Variants in TEX29 observed in about 807,000 individuals in gnomAD.
TEX29 encodes testis-expressed protein 29.
TEX29 carries 26 observed loss-of-function variants against 18.2 expected under a neutral mutation model. The ratio of observed to expected loss-of-function variants is 1.43; its 90% CI spans 1.04 to 1.98. The LOEUF is 1.98. TEX29 is among the 30% of genes most tolerant of loss of function. The probability of loss-of-function intolerance (pLI) is 0.00; values close to 1 mark genes in which losing one functional copy is unlikely to be tolerated. For synonymous variants in TEX29, 83 were observed against 78.5 expected, an observed-to-expected ratio of 1.06 and a Z score of -0.31; for missense variants, 177 against 194.2, an observed-to-expected ratio of 0.91 and a Z score of 0.53.
intron 4 of TEX29, 149 bp downstream of exon 4, chr13:111,340,081 C>A: frequency 1.4e-6 from 1 of 695,344 alleles, no homozygotes; most frequent in East Asian, 2.5e-5. Flanking sequence ...AGGGAACTGG[C>A]CAGGCTCACG....
intron 4 of TEX29, 42 bp downstream of exon 4, chr13:111,339,974 G>GGGGGGCCCCGGGC: frequency 7.2e-7 from 1 of 1,379,844 alleles, no homozygotes; most frequent in Non-Finnish European, 1.0e-6. Flanking sequence ...GGGAGGAGGG[G>GGGGGGCCCCGGGC]ACTCACCTCT....
At position 111,328,227 on chromosome 13, in the gene TEX29, A is replaced by G. The variant is rs1329857095; in HGVS notation, c.103A>G (p.Arg35Gly). 1.2e-6 allele frequency: 2 copies of G among 1,614,046 alleles called. No homozygotes were observed. The highest frequency in any genetic ancestry group is 3.3e-5 in the Admixed American group (2 of 60,020). The stretch of plus-strand genomic sequence containing the variant: ...TGACATTTGTGACTACAACGTCTCC[A>G]GGGACCGATGCCAGGAGCTCGGGTG... ...LYDICDYNVS[R>G]DRCQELGCCF... is the part of the protein sequence containing the mutation. Residue 35 changes from arginine to glycine, a missense_variant, in exon 3 of 6, where the codon AGG becomes GGG. Coordinates refer to ENST00000283547, the MANE Select transcript of TEX29 (RefSeq NM_152324.3).
chr13:111,319,525 C>T (rs2093660299), upstream of TEX29, among the ~76,000 whole-genome samples: 2 of 152,196 alleles, frequency 1.3e-5, no homozygotes, highest in Admixed American at 1.3e-4. Flanking sequence ...CTCTGTCCAC[C>T]TGATGCCCAC....
intron 5 of TEX29, among the ~76,000 whole-genome samples, chr13:111,343,598 A>G (rs1157943112): frequency 6.6e-6 from 1 of 152,100 alleles, no homozygotes; most frequent in African/African-American, 2.4e-5. Context: ...CTTTTCCTAG[A>G]TCAGCACCTT....
chr13:111,329,659 G>T (rs766914170), intron 3 of TEX29, among the ~76,000 whole-genome samples: 4 of 152,098 alleles, frequency 2.6e-5, no homozygotes, highest in African/African-American at 4.8e-5. Flanking sequence ...TATTTCCAAA[G>T]CTAGCAGTGG....
At chr13:111,343,969 T>A in intron 5 of TEX29, 114 bp from the exon 6 acceptor site, 2 of 871,720 alleles carry the variant, frequency 2.3e-6, no homozygotes, top group Non-Finnish European at 3.8e-6. Flanking sequence ...GGCTTTTGAA[T>A]CAATCATTGC....
chr13:111,343,411 C>G (rs900406707), intron 5 of TEX29, among the ~76,000 whole-genome samples: 2 of 150,348 alleles, frequency 1.3e-5, no homozygotes, highest in Non-Finnish European at 3.0e-5. Context: ...GCCTGGTGGT[C>G]GTGGATGTGC....
chr13:111,333,457 T>C (rs2093685368), intron 3 of TEX29, among the ~76,000 whole-genome samples: 1 of 152,238 alleles, frequency 6.6e-6, no homozygotes, highest in South Asian at 2.1e-4. Context: ...TGACCTATCT[T>C]CAAGTTTACT....
intron 3 of TEX29, among the ~76,000 whole-genome samples, chr13:111,337,119 A>G (rs1567163593): frequency 6.6e-6 from 1 of 152,180 alleles, no homozygotes; most frequent in Non-Finnish European, 1.5e-5. Flanking sequence ...GTGCATTTCA[A>G]TTCGATCGAT....
At chr13:111,325,162 C>T (rs530476910) in intron 2 of TEX29, among the ~76,000 whole-genome samples, 10 of 152,328 alleles carry the variant, frequency 6.6e-5, no homozygotes, top group African/African-American at 2.4e-4. Flanking sequence ...ACCCCAGTCT[C>T]GTTTCAGTAG....
upstream of TEX29, among the ~76,000 whole-genome samples, chr13:111,319,007 CAT>C (rs1279425651): frequency 1.3e-5 from 2 of 152,204 alleles, no homozygotes; most frequent in African/African-American, 2.4e-5. Context: ...ACTGGGTCCT[CAT>C]GTGGAAGAAG....
intron 3 of TEX29, among the ~76,000 whole-genome samples, chr13:111,338,765 A>T (rs2093692989): frequency 6.6e-6 from 1 of 152,222 alleles, no homozygotes; most frequent in Non-Finnish European, 1.5e-5. Flanking sequence ...TTAGCCAACC[A>T]CTTAAGAACT....
At chr13:111,330,365 C>A (rs751675756) in intron 3 of TEX29, among the ~76,000 whole-genome samples, 2 of 152,122 alleles carry the variant, frequency 1.3e-5, no homozygotes, top group Admixed American at 6.5e-5. Context: ...AATTTTCGCT[C>A]CTCAGAGACA....
intron 5 of TEX29, 82 bp from the exon 6 acceptor site, chr13:111,344,001 G>A: frequency 8.5e-7 from 1 of 1,183,322 alleles, no homozygotes; most frequent in East Asian, 2.3e-5. Context: ...CATGTAGATG[G>A]GTTCAAAGAT....
chr13:111,321,625 C>CA (rs60423908), intron 2 of TEX29, among the ~76,000 whole-genome samples: 60 of 150,714 alleles, frequency 4.0e-4, no homozygotes, highest in East Asian at 7.8e-4. Flanking sequence ...ACAACAAAAA[C>CA]AAAAAAAAAC....
At chr13:111,330,460 C>T (rs974705676) in intron 3 of TEX29, among the ~76,000 whole-genome samples, 1 of 152,206 alleles carries the variant, frequency 6.6e-6, no homozygotes, top group African/African-American at 2.4e-5. Flanking sequence ...TTTAGAGACT[C>T]GGGACCAGAC....
chr13:111,328,424 A>G, intron 3 of TEX29, 131 bp downstream of exon 3: 2 of 663,762 alleles, frequency 3.0e-6, no homozygotes, highest in East Asian at 5.5e-5. Context: ...TTCTCTGGCC[A>G]ACTCTTCTGC....
At chr13:111,328,104 C>T (rs1595687331) in intron 2 of TEX29, 79 bp from the exon 3 acceptor site, 14 of 906,408 alleles carry the variant, frequency 1.5e-5, no homozygotes, top group East Asian at 9.9e-5. Flanking sequence ...CTCCCCACAC[C>T]GGTTCCCAGG....
chr13:111,330,065 G>A (rs1364411847), intron 3 of TEX29, among the ~76,000 whole-genome samples: 3 of 152,162 alleles, frequency 2.0e-5, no homozygotes, highest in East Asian at 3.8e-4. Context: ...TTAAGACTAA[G>A]GAGAACAAAA....
Sources: gnomAD v4.1 joint callset for allele counts (sites outside exome capture counted in the v4.1 genomes callset) on GRCh38, gnomAD v4.1.1 for gene constraint, MANE v1.5 for transcripts, NCBI Gene and HGNC (gene_info 2026-07-23, HGNC 2026-07-21) for gene names.